CCDC38: variants seen among roughly 807,000 people sequenced by gnomAD.
CCDC38 encodes coiled-coil domain containing 38.
In CCDC38, 69 loss-of-function variants were observed where a neutral mutation model predicts 72.8. The observed-to-expected ratio is 0.95, with a 90% CI of 0.78 to 1.16. The LOEUF (loss-of-function observed/expected upper bound fraction) is 1.16, where lower values mean the gene tolerates loss of function less well. Ranked by LOEUF, CCDC38 falls within the 50% of genes most tolerant of loss-of-function variation. The pLI is 0.00. For missense variants in CCDC38, 626 were observed against 638.9 expected (o/e 0.98, Z 0.22); for synonymous variants, 201 against 213.2 (o/e 0.94, Z 0.50).
At chr12:95,943,159 A>C (rs941553614), upstream of CCDC38, 1 of 491,388 alleles carries the variant, frequency 2.0e-6, no homozygotes, top group African/African-American at 2.1e-5. Flanking sequence ...GGGATGGGAC[A>C]AGACGACCAA....
intron 13 of CCDC38, among the ~76,000 whole-genome samples, chr12:95,875,826 C>A (rs1028994821): frequency 6.6e-5 from 10 of 152,102 alleles, no homozygotes; most frequent in African/African-American, 2.2e-4. Context: ...AGGAATTTTA[C>A]GTCAATTCTA....
At chr12:95,929,072 TC>T (rs2080306558) in intron 2 of CCDC38, among the ~76,000 whole-genome samples, 2 of 152,320 alleles carry the variant, frequency 1.3e-5, no homozygotes, top group African/African-American at 4.8e-5. Flanking sequence ...TCCACCCAGT[TC>T]GAGCTTCCCG....
At chr12:95,878,685 G>A (rs17370487) in intron 12 of CCDC38, among the ~76,000 whole-genome samples, 19,848 of 152,080 alleles carry the variant, frequency 0.13, 1,763 homozygotes, top group Non-Finnish European at 0.19. Context: ...GTGGGGAGCC[G>A]AGAGGGAAAA....
chr12:95,875,256 A>T (rs534225712), intron 13 of CCDC38, among the ~76,000 whole-genome samples: 1 of 152,160 alleles, frequency 6.6e-6, no homozygotes, highest in Non-Finnish European at 1.5e-5. Flanking sequence ...GGGGCTGATA[A>T]TGGTGTATTC....
chr12:95,882,191 T>C (rs926352345), intron 10 of CCDC38, among the ~76,000 whole-genome samples: 36 of 151,594 alleles, frequency 2.4e-4, no homozygotes, highest in African/African-American at 8.7e-4. Flanking sequence ...AGGGAGAGAG[T>C]AAGTTGGCTG....
At chr12:95,923,462 C>T (rs1292617318) in intron 2 of CCDC38, among the ~76,000 whole-genome samples, 1 of 152,114 alleles carries the variant, frequency 6.6e-6, no homozygotes, top group Non-Finnish European at 1.5e-5. Flanking sequence ...CTGGACACCT[C>T]TTCCCCAATC....
intron 2 of CCDC38, among the ~76,000 whole-genome samples, chr12:95,932,895 C>A (rs2080352917): frequency 6.6e-6 from 1 of 152,090 alleles, no homozygotes. Context: ...AAGGGAAAGA[C>A]AAATTCACTA....
intron 4 of CCDC38, among the ~76,000 whole-genome samples, chr12:95,916,379 GCCTTCCTTCCTTCCTT>G (rs63210665): frequency 8.8e-5 from 13 of 147,458 alleles, no homozygotes; most frequent in Middle Eastern, 3.5e-3. Flanking sequence ...TTGCCTGCCT[GCCTTCCTTCCTTCCTT>G]CCTTCCTTCC....
rs1419337182 is a variant in CCDC38, at chr12:95,942,230, G to A, written c.-15+201C>T. On this transcript the variant is annotated intron_variant, in intron 1 of 15. Transcript: ENST00000344280. ...TGAATAAACGAAATCAAGTAATTAA[G>A]GACTCAAAAGCCTGGGCCTGGCAGT... Among the ~76,000 whole-genome samples the A allele has an allele frequency of 2.0e-5, 3 of 152,246 alleles. No homozygotes were observed. The East Asian group carries it at 5.8e-4, about 29-fold the overall frequency.
At chr12:95,910,945 G>A (rs963282439) in intron 4 of CCDC38, among the ~76,000 whole-genome samples, 8 of 152,150 alleles carry the variant, frequency 5.3e-5, no homozygotes, top group South Asian at 2.1e-4. Flanking sequence ...GCAATCCTAC[G>A]CAAAAAGAAC....
intron 3 of CCDC38, among the ~76,000 whole-genome samples, chr12:95,917,606 C>G (rs1198335946): frequency 6.6e-6 from 1 of 152,108 alleles, no homozygotes; most frequent in Non-Finnish European, 1.5e-5. Flanking sequence ...GGTGCGGTAG[C>G]TCATGTCTGT....
chr12:95,895,205 A>G, intron 7 of CCDC38, 59 bp from the exon 8 acceptor site: 1 of 1,304,488 alleles, frequency 7.7e-7, no homozygotes, highest in Non-Finnish European at 1.0e-6. Context: ...CATTCATTAG[A>G]AAAAAATTTT....
intron 5 of CCDC38, among the ~76,000 whole-genome samples, chr12:95,902,798 A>G (rs1162401603): frequency 6.6e-6 from 1 of 152,194 alleles, no homozygotes; most frequent in Non-Finnish European, 1.5e-5. Flanking sequence ...ATGAAACTGC[A>G]GCAGACTAAC....
chr12:95,901,050 C>G (rs2079945129), intron 5 of CCDC38, among the ~76,000 whole-genome samples: 1 of 152,140 alleles, frequency 6.6e-6, no homozygotes, highest in South Asian at 2.1e-4. Context: ...AGGGGAGCAA[C>G]AGTAGAAGCA....
chr12:95,917,967 G>A (rs1189563204), intron 3 of CCDC38, among the ~76,000 whole-genome samples: 1 of 151,854 alleles, frequency 6.6e-6, no homozygotes, highest in African/African-American at 2.4e-5. Flanking sequence ...TTAGGCTTGT[G>A]ATTTCATTCA....
At chr12:95,918,393 C>T (rs1285767541) in intron 3 of CCDC38, among the ~76,000 whole-genome samples, 2 of 152,194 alleles carry the variant, frequency 1.3e-5, no homozygotes, top group Non-Finnish European at 2.9e-5. Context: ...CCACTAACAG[C>T]CTTTTTTCCA....
intron 10 of CCDC38, 90 bp downstream of exon 10, chr12:95,888,368 C>T (rs1447039464): frequency 1.2e-5 from 14 of 1,142,686 alleles, no homozygotes; most frequent in Non-Finnish European, 1.6e-5. Context: ...GTTATGGGTA[C>T]ATGACATATA....
At chr12:95,917,726 G>A (rs895767527) in intron 3 of CCDC38, among the ~76,000 whole-genome samples, 1 of 152,008 alleles carries the variant, frequency 6.6e-6, no homozygotes, top group Admixed American at 6.5e-5. Flanking sequence ...ACAAAAATTA[G>A]CCGGGCGTGG....
intron 1 of CCDC38, among the ~76,000 whole-genome samples, chr12:95,941,103 T>C (rs954070346): frequency 1.3e-5 from 2 of 152,208 alleles, no homozygotes; most frequent in Non-Finnish European, 2.9e-5. Context: ...AAACCTCCTG[T>C]TTGCAGGAGC....
Sources: gnomAD v4.1 joint callset for allele counts (sites outside exome capture counted in the v4.1 genomes callset) on GRCh38, gnomAD v4.1.1 for gene constraint, MANE v1.5 for transcripts, NCBI Gene and HGNC (gene_info 2026-07-23, HGNC 2026-07-21) for gene names.